PLD1: variants seen among roughly 807,000 people sequenced by gnomAD.
PLD1 encodes phospholipase D1, also known as choline phosphatase 1.
Under a neutral mutation model 137.1 loss-of-function variants are expected in PLD1, and 112 were observed. The ratio of observed to expected loss-of-function variants is 0.82; its 90% confidence interval spans 0.70 to 0.96. The LOEUF is 0.96. Ranked by LOEUF, PLD1 falls within the 40% of genes least tolerant of loss-of-function variation. The pLI is 0.00. For missense variants in PLD1, 1,321 were observed against 1,342.0 expected (o/e 0.98, Z 0.24); for synonymous variants, 431 against 454.7 (o/e 0.95, Z 0.66).
intron 1 of PLD1, chr3:171,793,209 G>T: frequency 6.6e-6 from 1 of 152,460 alleles, no homozygotes; most frequent in Non-Finnish European, 1.5e-5. Context: ...TAACTCCAGT[G>T]GTATTCTGGG....
chr3:171,680,474 T>A (rs1345216056), intron 16 of PLD1, among the ~76,000 whole-genome samples: 1 of 152,090 alleles, frequency 6.6e-6, no homozygotes, highest in Non-Finnish European at 1.5e-5. Flanking sequence ...GACCTCGTGA[T>A]CTGCCTGCCT....
At chr3:171,744,448 C>G (rs1255699503) in intron 1 of PLD1, among the ~76,000 whole-genome samples, 1 of 152,168 alleles carries the variant, frequency 6.6e-6, no homozygotes, top group African/African-American at 2.4e-5. Context: ...CAAACACAGC[C>G]CTTCCACTGA....
At chr3:171,809,494 A>C (rs1215653014) in intron 1 of PLD1, 2 of 152,240 alleles carry the variant, frequency 1.3e-5, no homozygotes, top group East Asian at 3.8e-4. Context: ...TAAAATTGGC[A>C]GGGCTGGCTG....
chr3:171,665,136 TAAG>T (rs2108446256), intron 19 of PLD1, among the ~76,000 whole-genome samples: 1 of 152,298 alleles, frequency 6.6e-6, no homozygotes, highest in Admixed American at 6.5e-5. Context: ...TTCATTCACA[TAAG>T]ATACACATGA....
intron 1 of PLD1, among the ~76,000 whole-genome samples, chr3:171,749,047 G>A (rs1310655729): frequency 6.6e-6 from 1 of 151,948 alleles, no homozygotes; most frequent in Non-Finnish European, 1.5e-5. Flanking sequence ...AATGAATCAA[G>A]CTAATACATA....
intron 8 of PLD1, among the ~76,000 whole-genome samples, chr3:171,715,649 T>C (rs888244056): frequency 6.6e-6 from 1 of 152,172 alleles, no homozygotes; most frequent in Admixed American, 6.5e-5. Flanking sequence ...TACTAGTCAT[T>C]AGATATCAAG....
intron 12 of PLD1, among the ~76,000 whole-genome samples, chr3:171,694,084 A>G (rs1715461838): frequency 1.3e-5 from 2 of 152,164 alleles, no homozygotes; most frequent in South Asian, 4.1e-4. Flanking sequence ...TCCTTATAAT[A>G]ACACAACACT....
intron 1 of PLD1, among the ~76,000 whole-genome samples, chr3:171,752,024 A>G (rs1176882594): frequency 6.6e-6 from 1 of 152,172 alleles, no homozygotes; most frequent in Non-Finnish European, 1.5e-5. Context: ...AAAAGAAAGA[A>G]AGAAAATTAG....
chr3:171,772,986 A>T lies in PLD1; in HGVS notation c.-31-34904T>A, dbSNP rs201658290. Among the ~76,000 whole-genome samples the T allele has an allele frequency of 5.1e-4, 77 of 152,318 alleles. 2 individuals carry two copies. The East Asian group carries it at 8.9e-3, about 18-fold the overall frequency. ...GAGCTTCAAAAAATACTCCTGGGAG[A>T]CCAACACAATCTTTGAAATGGAAGA... On this transcript the variant is annotated intron_variant, in intron 1 of 26. Transcript: ENST00000351298.
chr3:171,748,673 G>A (rs890951698), intron 1 of PLD1, among the ~76,000 whole-genome samples: 2 of 151,870 alleles, frequency 1.3e-5, no homozygotes, highest in Admixed American at 6.6e-5. Flanking sequence ...TACTAAAAAT[G>A]TTTGTTGAGG....
At chr3:171,737,490 T>C in intron 3 of PLD1, 42 bp downstream of exon 3, 3 of 1,564,380 alleles carry the variant, frequency 1.9e-6, no homozygotes, top group Non-Finnish European at 2.6e-6. Context: ...AATTCACATA[T>C]ATTGACAAAA....
intron 1 of PLD1, chr3:171,793,863 G>A (rs1487066244): frequency 1.3e-5 from 2 of 152,256 alleles, no homozygotes; most frequent in Admixed American, 1.3e-4. Flanking sequence ...ACAAGAAGGG[G>A]CTGGGAGTGG....
chr3:171,647,190 G>A (rs1206447153), intron 21 of PLD1, among the ~76,000 whole-genome samples: 1 of 152,180 alleles, frequency 6.6e-6, no homozygotes, highest in African/African-American at 2.4e-5. Flanking sequence ...AAAGACCCTT[G>A]CACATGCTAT....
At chr3:171,666,470 G>A (rs1212076075) in intron 19 of PLD1, among the ~76,000 whole-genome samples, 1 of 152,258 alleles carries the variant, frequency 6.6e-6, no homozygotes, top group Non-Finnish European at 1.5e-5. Flanking sequence ...TCCCTCCCAT[G>A]ACATGTGGGG....
At chr3:171,698,585 G>A (rs914265327) in intron 12 of PLD1, among the ~76,000 whole-genome samples, 1 of 152,058 alleles carries the variant, frequency 6.6e-6, no homozygotes, top group Middle Eastern at 3.2e-3. Flanking sequence ...AGAAATGAGT[G>A]AAAGCTATGA....
At chr3:171,721,914 T>C (rs576109839) in intron 8 of PLD1, among the ~76,000 whole-genome samples, 1 of 152,276 alleles carries the variant, frequency 6.6e-6, no homozygotes, top group Non-Finnish European at 1.5e-5. Context: ...CCCAGCTTAA[T>C]GGTATTTTTT....
At chr3:171,718,670 C>G (rs1169604676) in intron 8 of PLD1, among the ~76,000 whole-genome samples, 1 of 152,146 alleles carries the variant, frequency 6.6e-6, no homozygotes, top group Non-Finnish European at 1.5e-5. Context: ...GATCAAGTGC[C>G]TGCCCTGAAG....
At chr3:171,639,435 A>G (rs1400684024) in intron 23 of PLD1, among the ~76,000 whole-genome samples, 1 of 123,456 alleles carries the variant, frequency 8.1e-6, no homozygotes, top group Non-Finnish European at 1.6e-5. Context: ...TATTTTATAT[A>G]TTATATAAAA....
chr3:171,800,698 C>A (rs1723608792), intron 1 of PLD1, among the ~76,000 whole-genome samples: 2 of 152,160 alleles, frequency 1.3e-5, no homozygotes, highest in African/African-American at 4.8e-5. Context: ...GACTAGGTGG[C>A]TTATAAACAA....
Sources: gnomAD v4.1 joint callset for allele counts (sites outside exome capture counted in the v4.1 genomes callset) on GRCh38, gnomAD v4.1.1 for gene constraint, MANE v1.5 for transcripts, NCBI Gene and HGNC (gene_info 2026-07-23, HGNC 2026-07-21) for gene names.